The following PABPC4L variants were observed in gnomAD, a reference collection of about 807,000 sequenced individuals.
PABPC4L encodes poly(A) binding protein cytoplasmic 4 like, also known as polyadenylate-binding protein 4-like.
For missense variants in PABPC4L, 452 were observed against 451.4 expected, an observed-to-expected ratio of 1.00 and a Z score of -0.01; for synonymous variants, 169 against 164.1, an observed-to-expected ratio of 1.03 and a Z score of -0.23.
At chr4:133,968,532 A>G in the PABPC4L span, among the ~76,000 whole-genome samples, 1 of 152,132 alleles carries the variant, frequency 6.6e-6, no homozygotes, top group Non-Finnish European at 1.5e-5. Flanking sequence ...GACAGGATTG[A>G]ACTTGGAACT....
At chr4:134,107,322 T>C in the PABPC4L span, among the ~76,000 whole-genome samples, 4 of 151,560 alleles carry the variant, frequency 2.6e-5, no homozygotes, top group African/African-American at 9.7e-5. Context: ...AATATTTTAA[T>C]ATTTTCTTCA....
At chr4:133,949,894 C>T in the PABPC4L span, among the ~76,000 whole-genome samples, 1 of 152,088 alleles carries the variant, frequency 6.6e-6, no homozygotes, top group Admixed American at 6.5e-5. Flanking sequence ...GTAGCCCTGC[C>T]TAAATACGGG....
At chr4:134,118,777 A>G in the PABPC4L span, among the ~76,000 whole-genome samples, 4 of 151,778 alleles carry the variant, frequency 2.6e-5, no homozygotes. Flanking sequence ...TCAGTAGAAT[A>G]GCATGTTCTC....
the PABPC4L span, among the ~76,000 whole-genome samples, chr4:134,161,574 A>T: frequency 6.6e-6 from 1 of 152,282 alleles, no homozygotes; most frequent in East Asian, 1.9e-4. Flanking sequence ...CAGCAAAATT[A>T]TCCTTCAAAC....
the PABPC4L span, among the ~76,000 whole-genome samples, chr4:134,053,487 C>T: frequency 6.6e-6 from 1 of 151,984 alleles, no homozygotes; most frequent in East Asian, 1.9e-4. Context: ...TGTAATAACC[C>T]TGTAGAGAAT....
chr4:134,124,534 T>C, the PABPC4L span, among the ~76,000 whole-genome samples: 4 of 152,222 alleles, frequency 2.6e-5, no homozygotes, highest in African/African-American at 9.6e-5. Context: ...TACTCCAAAT[T>C]GCAATTCTTG....
chr4:134,145,127 G>A, the PABPC4L span, among the ~76,000 whole-genome samples: 1 of 151,760 alleles, frequency 6.6e-6, no homozygotes, highest in Non-Finnish European at 1.5e-5. Context: ...AGTAATTGCA[G>A]TTTTTGTTAT....
chr4:134,024,384 G>A, the PABPC4L span, among the ~76,000 whole-genome samples: 29 of 152,214 alleles, frequency 1.9e-4, 1 homozygote, highest in South Asian at 2.1e-3. Flanking sequence ...AGATCCAGAG[G>A]CTAGAAGATC....
At chr4:134,125,599 A>G in the PABPC4L span, among the ~76,000 whole-genome samples, 1 of 152,170 alleles carries the variant, frequency 6.6e-6, no homozygotes, top group African/African-American at 2.4e-5. Context: ...ACATGAAACA[A>G]TAAACAAAGA....
the PABPC4L span, among the ~76,000 whole-genome samples, chr4:133,952,250 T>G: frequency 6.6e-6 from 1 of 152,160 alleles, no homozygotes; most frequent in African/African-American, 2.4e-5. Flanking sequence ...CCATTGGTAC[T>G]GTGGCTTTCT....
At chr4:133,950,545 G>T in the PABPC4L span, among the ~76,000 whole-genome samples, 1 of 152,264 alleles carries the variant, frequency 6.6e-6, no homozygotes, top group African/African-American at 2.4e-5. Flanking sequence ...TGTGCAGCAT[G>T]AACATTAGTT....
the PABPC4L span, among the ~76,000 whole-genome samples, chr4:134,023,532 A>G: frequency 2.0e-5 from 3 of 152,060 alleles, no homozygotes; most frequent in Non-Finnish European, 4.4e-5. Context: ...CCTATTCTAC[A>G]TATCTTTATA....
chr4:134,110,330 C>A, the PABPC4L span, among the ~76,000 whole-genome samples: 2 of 151,914 alleles, frequency 1.3e-5, no homozygotes, highest in South Asian at 2.1e-4. Flanking sequence ...ATTTAGGATA[C>A]TTTGATAGTG....
chr4:134,194,543 C>T (rs970963124), downstream of PABPC4L, among the ~76,000 whole-genome samples: 1 of 151,786 alleles, frequency 6.6e-6, no homozygotes, highest in South Asian at 2.1e-4. Flanking sequence ...ATCACATAAA[C>T]AGAACCAATA....
the PABPC4L span, among the ~76,000 whole-genome samples, chr4:134,081,190 T>C: frequency 2.0e-5 from 3 of 152,280 alleles, no homozygotes; most frequent in Admixed American, 1.3e-4. Flanking sequence ...TCATTAAAAC[T>C]CAATCAACTA....
chr4:134,007,125 C>T, the PABPC4L span, among the ~76,000 whole-genome samples: 23 of 151,644 alleles, frequency 1.5e-4, no homozygotes, highest in Non-Finnish European at 2.2e-4. Context: ...AAAATTATGA[C>T]AGAAAAAGAA....
At chr4:134,060,636 C>T in the PABPC4L span, among the ~76,000 whole-genome samples, 1 of 151,858 alleles carries the variant, frequency 6.6e-6, no homozygotes, top group South Asian at 2.1e-4. Flanking sequence ...AGGACTCAGT[C>T]CTGGCAGGAC....
At chr4:134,070,874 C>T in the PABPC4L span, among the ~76,000 whole-genome samples, 2 of 152,106 alleles carry the variant, frequency 1.3e-5, no homozygotes, top group Non-Finnish European at 1.5e-5. Flanking sequence ...ATCAGACTGG[C>T]CTTGTCTCAT....
chr4:134,168,286 G>T, the PABPC4L span, among the ~76,000 whole-genome samples: 1 of 151,820 alleles, frequency 6.6e-6, no homozygotes, highest in African/African-American at 2.4e-5. Flanking sequence ...AGTAATAAAA[G>T]GAATGTTTAT....
Sources: gnomAD v4.1 joint callset for allele counts (sites outside exome capture counted in the v4.1 genomes callset) on GRCh38, gnomAD v4.1.1 for gene constraint, MANE v1.5 for transcripts, NCBI Gene and HGNC (gene_info 2026-07-23, HGNC 2026-07-21) for gene names.